The following PXDC1 variants were observed in gnomAD, a reference collection of about 807,000 sequenced individuals.
The protein encoded by PXDC1 is PX domain containing 1, also known as PX domain-containing protein 1.
In PXDC1, 13 loss-of-function variants were observed where a neutral mutation model predicts 24.4. That is an observed-to-expected ratio of 0.53 (90% confidence interval 0.35 to 0.85). The LOEUF (loss-of-function observed/expected upper bound fraction) is 0.85, where lower values mean the gene tolerates loss of function less well. Among genes scored for constraint, PXDC1 ranks in the 40% least tolerant of loss-of-function variants. The pLI, the probability that PXDC1 is intolerant of heterozygous loss-of-function variation, is 0.01. For synonymous variants in PXDC1, 162 were observed against 124.9 expected (o/e 1.30, Z -1.98); for missense variants, 344 against 309.3 (o/e 1.11, Z -0.84).
At position 3,724,710 on chromosome 6, in the gene PXDC1, T is replaced by G. The variant is rs924113856; in HGVS notation, c.579-974A>C. On this transcript the variant is annotated intron_variant, in intron 4 of 4. Coordinates refer to ENST00000380283, the MANE Select transcript of PXDC1 (RefSeq NM_183373.4). The surrounding 1 kb of genome is among the most constrained non-coding windows in gnomAD (Gnocchi z 4.5). The stretch of plus-strand genomic sequence containing the variant: ...AAGGTGGCCCTGGCCCGTGGACAAC[T>G]GTGGGAACTCAGCCATCTCTGGAAA... Among the ~76,000 whole-genome samples the G allele has an allele frequency of 1.3e-5, 2 of 152,172 alleles. No individual in the cohort carries two copies. Among genetic ancestry groups the G allele is most frequent in the Non-Finnish European group, 2.9e-5 (2 of 68,030 alleles).
chr6:3,738,262 G>A, intron 1 of PXDC1, 114 bp from the exon 2 acceptor site: 1 of 782,736 alleles, frequency 1.3e-6, no homozygotes, highest in Non-Finnish European at 2.2e-6. Context: ...GTAATGAGAT[G>A]TCGGGAACAT....
At chr6:3,745,546 T>C (rs1349232346) in intron 1 of PXDC1, among the ~76,000 whole-genome samples, 1 of 152,236 alleles carries the variant, frequency 6.6e-6, no homozygotes, top group Non-Finnish European at 1.5e-5. Flanking sequence ...CCCACCTGTC[T>C]GGGTCCAAAG....
rs151025370 is a variant in PXDC1, at chr6:3,740,028, C to T, written c.257-1880G>A. On this transcript the variant is annotated intron_variant, in intron 1 of 4. Coordinates refer to ENST00000380283, the MANE Select transcript of PXDC1 (RefSeq NM_183373.4). ...AAAACTACTGTTATATTTCAACTTT[C>T]ATTACAGCTAGAATACTAGCTTCCA... Among the ~76,000 whole-genome samples, 141 of 152,316 alleles carry T rather than the reference C, an allele frequency of 9.3e-4. 1 individual carries two copies. The highest frequency in any genetic ancestry group is 3.2e-3 in the African/African-American group (133 of 41,572).
rs551181097 is a variant in PXDC1 at position 3,742,606 on chromosome 6, A to G, written c.257-4458T>C. On this transcript the variant is annotated intron_variant, in intron 1 of 4. Transcript: ENST00000380283. ...CTGCGGAAAAAGCAGGATGGCGTTC[A>G]CTGCAACGCACGCTTAAGGAAGTTA... Among the ~76,000 whole-genome samples, 99 of 152,324 alleles carry G rather than the reference A, an allele frequency of 6.5e-4. 2 individuals are homozygous for G. In the South Asian group the frequency reaches 0.02, roughly 31 times the overall value.
At chr6:3,749,528 C>T (rs1054197230) in intron 1 of PXDC1, among the ~76,000 whole-genome samples, 2 of 150,316 alleles carry the variant, frequency 1.3e-5, no homozygotes, top group Non-Finnish European at 2.9e-5. Context: ...AGAGGCGGAG[C>T]CAGGGTGTGT....
chr6:3,737,284 CA>C lies in PXDC1; in HGVS notation c.349-89del. 1.1e-6 allele frequency: 1 copy of C among 892,040 alleles called. No homozygotes were observed. Among genetic ancestry groups the C allele is most frequent in the Non-Finnish European group, 1.8e-6 (1 of 542,534 alleles). The allele number at this position is 892,040 out of a possible 1,614,324, so 55.3% of individuals were successfully genotyped here. On this transcript the variant is annotated intron_variant, in intron 2 of 4. Transcript: ENST00000380283. The surrounding 1 kb of genome is among the most constrained non-coding windows in gnomAD (Gnocchi z 5.5). ...ACCAAGAGAGGGCCCCGCTCCTCCG[CA>C]GAGGCAGCCTGTGTGATGCAAACGC...
intron 1 of PXDC1, among the ~76,000 whole-genome samples, chr6:3,740,135 T>C (rs1365852702): frequency 2.0e-5 from 3 of 152,240 alleles, no homozygotes; most frequent in African/African-American, 4.8e-5. Context: ...AGCACATGTA[T>C]ACCCATTTCA....
rs568357062 is a variant in PXDC1 at position 3,737,565 on chromosome 6, C to A, written c.349-369G>T. On this transcript the variant is annotated intron_variant, in intron 2 of 4. Transcript: ENST00000380283. This position sits in a 1 kb window ranked among gnomAD's most constrained non-coding sequence, Gnocchi z 5.5. ...CCAGGAGCTAAGGAGGTCTGCCTGGCGCTCAAGTCCAGGTTCTTAACCACC... is the reference window on the plus strand; with the variant it reads ...CCAGGAGCTAAGGAGGTCTGCCTGGAGCTCAAGTCCAGGTTCTTAACCACC... 2 of 666,950 alleles carry A rather than the reference C, an allele frequency of 3.0e-6. No homozygotes were observed. Among genetic ancestry groups the A allele is most frequent in the Non-Finnish European group, 3.7e-6 (2 of 538,806 alleles). The allele number at this position is 666,950 out of a possible 1,614,324, so 41.3% of individuals were successfully genotyped here. A position where few individuals can be genotyped will look rare whatever the true frequency, so the allele number is the denominator to read the frequency against.
Position 3,751,421 on chromosome 6 carries a change from C to T in PXDC1, c.111G>A (p.Glu37=), listed in dbSNP as rs1030011683. The T allele has an allele frequency of 6.3e-7, 1 of 1,584,696 alleles. No individual in the cohort carries two copies. The highest frequency in any genetic ancestry group is 1.2e-5 in the South Asian group (1 of 86,770). Residue 37 remains glutamate (E), a synonymous_variant, in exon 1 of 5, where the codon GAG becomes GAA. Transcript: ENST00000380283. ...ACCACTCCGTGCGGATCTCGAAGAA[C>T]TCCTCTTCGTCGCCGCGCCGGCTGA... ...LIVSRRGDEE[E]FFEIRTEWSD... is the part of the protein sequence containing the mutation.
intron 1 of PXDC1, among the ~76,000 whole-genome samples, chr6:3,743,903 G>A (rs1760505747): frequency 6.6e-6 from 1 of 152,222 alleles, no homozygotes; most frequent in South Asian, 2.1e-4. Flanking sequence ...GCTGAGCTGA[G>A]AATGCAAGAG....
chr6:3,739,325 T>G (rs4959872), intron 1 of PXDC1, among the ~76,000 whole-genome samples: 108,117 of 152,096 alleles, frequency 0.71, 39,177 homozygotes, highest in Middle Eastern at 0.85. Flanking sequence ...CGGGGGTCAG[T>G]GGGGATCAGT....
At chr6:3,746,249 G>A (rs1194369666) in intron 1 of PXDC1, among the ~76,000 whole-genome samples, 2 of 152,220 alleles carry the variant, frequency 1.3e-5, no homozygotes, top group South Asian at 2.1e-4. Context: ...TGTCGGGGGG[G>A]CAGCAAACCA....
At chr6:3,741,183 G>C (rs375871995) in intron 1 of PXDC1, among the ~76,000 whole-genome samples, 20 of 152,236 alleles carry the variant, frequency 1.3e-4, no homozygotes, top group African/African-American at 4.1e-4. Context: ...GGAGAGTCTC[G>C]AGGGCCAAGT....
chr6:3,729,990 A>G (rs1042111925), intron 3 of PXDC1, among the ~76,000 whole-genome samples: 28 of 152,220 alleles, frequency 1.8e-4, no homozygotes, highest in African/African-American at 6.8e-4. Flanking sequence ...CCCCCAAAAA[A>G]TAGATTTGTA....
rs935758157 is a variant in PXDC1, at chr6:3,737,777, C to T, written c.348+280G>A. On this transcript the variant is annotated intron_variant, in intron 2 of 4. Transcript: ENST00000380283. The surrounding 1 kb of genome is among the most constrained non-coding windows in gnomAD (Gnocchi z 5.5). The stretch of plus-strand genomic sequence containing the variant: ...AGGCCTCCTGCAGCCAGAGGGGATC[C>T]GCACCCTTCCACCCATGCCTCCTTG... 36 of 730,412 alleles carry T rather than the reference C, an allele frequency of 4.9e-5. No homozygotes were observed. The South Asian group carries it at 6.2e-4, about 13-fold the overall frequency. 45.2% of individuals were successfully genotyped at this position (730,412 alleles called of 1,614,324 possible).
At chr6:3,750,836 G>A (rs1277624471) in intron 1 of PXDC1, among the ~76,000 whole-genome samples, 1 of 152,106 alleles carries the variant, frequency 6.6e-6, no homozygotes, top group Non-Finnish European at 1.5e-5. Context: ...GACCCGACGC[G>A]ACCCCCGGCT....
intron 1 of PXDC1, among the ~76,000 whole-genome samples, chr6:3,745,198 TG>T (rs544032007): frequency 6.6e-6 from 1 of 152,074 alleles, no homozygotes; most frequent in African/African-American, 2.4e-5. Context: ...CCAGGGTATA[TG>T]GGGGGGCCAC....
At chr6:3,742,542 C>T (rs914994970) in intron 1 of PXDC1, among the ~76,000 whole-genome samples, 1 of 152,130 alleles carries the variant, frequency 6.6e-6, no homozygotes, top group African/African-American at 2.4e-5. Flanking sequence ...CCGCTTCGCT[C>T]GGGTCTTTCA....
chr6:3,735,782 G>T (rs1581245780), intron 3 of PXDC1, among the ~76,000 whole-genome samples: 2 of 152,232 alleles, frequency 1.3e-5, no homozygotes, highest in African/African-American at 4.8e-5. Context: ...AAGAAAAGAT[G>T]AATGTTTGAG....
Sources: allele counts gnomAD v4.1 joint callset (sites outside exome capture counted in the v4.1 genomes callset), GRCh38; gene constraint gnomAD v4.1.1; non-coding constraint Gnocchi (gnomAD v3.1); transcripts MANE v1.5; gene names NCBI Gene and HGNC (gene_info 2026-07-23, HGNC 2026-07-21).